The following GNB1 variants were observed in gnomAD, a reference collection of about 807,000 sequenced individuals.
The protein encoded by GNB1 is G protein subunit beta 1, also known as guanine nucleotide-binding protein G(I)/G(S)/G(T) subunit beta-1.
Under a neutral mutation model 42.9 loss-of-function variants are expected in GNB1, and 2 were observed. The observed-to-expected ratio is 0.05, with a 90% confidence interval of 0.02 to 0.15. GNB1 has a LOEUF of 0.15. Among genes scored for constraint, GNB1 ranks in the 10% least tolerant of loss-of-function variants. The pLI is 1.00. For synonymous variants in GNB1, 183 were observed against 174.7 expected, an observed-to-expected ratio of 1.05 and a Z score of -0.38; for missense variants, 193 against 462.2, an observed-to-expected ratio of 0.42 and a Z score of 5.34.
At chr1:1,842,158 C>T (rs1233207889) in intron 1 of GNB1, among the ~76,000 whole-genome samples, 1 of 151,840 alleles carries the variant, frequency 6.6e-6, no homozygotes, top group Non-Finnish European at 1.5e-5. Flanking sequence ...TTGCCAGGCA[C>T]GGTGGCTCAC....
intron 1 of GNB1, among the ~76,000 whole-genome samples, chr1:1,842,796 C>T (rs1647298096): frequency 6.6e-6 from 1 of 152,182 alleles, no homozygotes; most frequent in Non-Finnish European, 1.5e-5. Flanking sequence ...GTGAATTTCA[C>T]CTCAGAAAAA....
chr1:1,889,810 A>G (rs939207689), intron 1 of GNB1, among the ~76,000 whole-genome samples: 3 of 152,246 alleles, frequency 2.0e-5, no homozygotes, highest in Non-Finnish European at 2.9e-5. Flanking sequence ...AAAATATAGC[A>G]GGTTCTTAAA....
chr1:1,840,974 C>G (rs1647225443), intron 1 of GNB1, among the ~76,000 whole-genome samples: 3 of 152,200 alleles, frequency 2.0e-5, no homozygotes, highest in Admixed American at 6.5e-5. Context: ...TCACTGGAAC[C>G]TCCGACTCAC....
intron 2 of GNB1, among the ~76,000 whole-genome samples, chr1:1,830,701 C>T (rs911397842): frequency 1.3e-5 from 2 of 152,148 alleles, no homozygotes; most frequent in African/African-American, 4.8e-5. Flanking sequence ...CTCCACCCAT[C>T]ACACCCAGCT....
intron 1 of GNB1, among the ~76,000 whole-genome samples, chr1:1,859,793 G>A (rs891992349): frequency 2.0e-5 from 3 of 151,656 alleles, no homozygotes; most frequent in African/African-American, 7.3e-5. Context: ...GGCAAATCAG[G>A]AGGTCAGGAG....
intron 2 of GNB1, among the ~76,000 whole-genome samples, chr1:1,832,960 TCA>T (rs1647097098): frequency 1.3e-5 from 2 of 152,196 alleles, no homozygotes; most frequent in Admixed American, 6.5e-5. Flanking sequence ...TCTGTCAGTC[TCA>T]CAGTGATTAA....
intron 1 of GNB1, among the ~76,000 whole-genome samples, chr1:1,861,302 A>G (rs1197911602): frequency 6.6e-6 from 1 of 151,890 alleles, no homozygotes; most frequent in Non-Finnish European, 1.5e-5. Context: ...ACACACACAA[A>G]AAAATTTTTT....
rs1392121804 is a variant in GNB1 at position 1,785,337 on chromosome 1, A to G, written c.*1726T>C. Reference sequence around the variant, plus strand: ...ATCTTAAATAACAGTACAGTTTAATATAGTATCTATCTTGCATCCAGCTTC... The same window carrying G: ...ATCTTAAATAACAGTACAGTTTAATGTAGTATCTATCTTGCATCCAGCTTC... On this transcript the variant is annotated 3_prime_UTR_variant, in exon 12 of 12. Transcript: ENST00000378609. 6.5e-6 allele frequency: 1 copy of G among 152,704 alleles called. No individual in the cohort carries two copies. Among genetic ancestry groups the G allele is most frequent in the Non-Finnish European group, 1.5e-5 (1 of 68,066 alleles). 9.5% of individuals were successfully genotyped at this position (152,704 alleles called of 1,614,324 possible).
At chr1:1,884,157 G>C (rs2101914342) in intron 1 of GNB1, among the ~76,000 whole-genome samples, 1 of 150,198 alleles carries the variant, frequency 6.7e-6, no homozygotes, top group South Asian at 2.1e-4. Flanking sequence ...TTGAGATGGA[G>C]TTTCCTTCTT....
intron 8 of GNB1, among the ~76,000 whole-genome samples, chr1:1,792,562 T>A (rs1237724430): frequency 6.6e-6 from 1 of 151,546 alleles, no homozygotes; most frequent in Non-Finnish European, 1.5e-5. Context: ...CTGGGTGTGG[T>A]GGCGCACACC....
At chr1:1,806,222 T>C (rs1646693619) in intron 6 of GNB1, among the ~76,000 whole-genome samples, 1 of 152,054 alleles carries the variant, frequency 6.6e-6, no homozygotes, top group Non-Finnish European at 1.5e-5. Context: ...ACACAGAAGG[T>C]CCTTAGCTCC....
At chr1:1,865,991 T>C (rs2101711439) in intron 1 of GNB1, among the ~76,000 whole-genome samples, 1 of 151,646 alleles carries the variant, frequency 6.6e-6, no homozygotes, top group South Asian at 2.1e-4. Context: ...CAGGCTGGAG[T>C]ACAATGGCGC....
chr1:1,860,712 CA>C (rs888879848), intron 1 of GNB1, among the ~76,000 whole-genome samples: 4 of 149,956 alleles, frequency 2.7e-5, no homozygotes, highest in African/African-American at 7.4e-5. Context: ...GACTCTGTCT[CA>C]AAAAAAAAGA....
At chr1:1,797,441 ATTCCTTTTTTTTT>A (rs1646561385) in intron 7 of GNB1, among the ~76,000 whole-genome samples, 2 of 151,836 alleles carry the variant, frequency 1.3e-5, no homozygotes, top group Admixed American at 6.6e-5. Flanking sequence ...CCTTTCCAAA[ATTCCTTTTTTTTT>A]TTGAGATGGA....
intron 1 of GNB1, among the ~76,000 whole-genome samples, chr1:1,873,337 A>G (rs1649353589): frequency 6.6e-6 from 1 of 152,236 alleles, no homozygotes; most frequent in Non-Finnish European, 1.5e-5. Flanking sequence ...AGGAAGCCTG[A>G]GCTAGACTGT....
At chr1:1,813,819 T>G (rs1302008645) in intron 5 of GNB1, among the ~76,000 whole-genome samples, 1 of 152,190 alleles carries the variant, frequency 6.6e-6, no homozygotes, top group Non-Finnish European at 1.5e-5. Flanking sequence ...TTTAAAAGAA[T>G]TTTTGACAAG....
intron 3 of GNB1, chr1:1,818,177 G>A: frequency 3.9e-6 from 1 of 254,056 alleles, no homozygotes; most frequent in East Asian, 7.7e-5. Flanking sequence ...AGCTGGGGCA[G>A]CACCCACACA....
chr1:1,841,936 G>A (rs1384898049), intron 1 of GNB1, among the ~76,000 whole-genome samples: 1 of 152,246 alleles, frequency 6.6e-6, no homozygotes, highest in Non-Finnish European at 1.5e-5. Context: ...AGAAGGTGGA[G>A]ACAGCCCAAA....
At chr1:1,818,050 G>A in intron 3 of GNB1, 175 bp from the exon 4 acceptor site, 1 of 574,136 alleles carries the variant, frequency 1.7e-6, no homozygotes. Flanking sequence ...TACCATCTGT[G>A]GACTGTCCAG....
Sources: gnomAD v4.1 joint callset for allele counts (sites outside exome capture counted in the v4.1 genomes callset) on GRCh38, gnomAD v4.1.1 for gene constraint, MANE v1.5 for transcripts, NCBI Gene and HGNC (gene_info 2026-07-23, HGNC 2026-07-21) for gene names.